The following SGPP2 variants were observed in gnomAD, a reference collection of about 807,000 sequenced individuals.
SGPP2 encodes the protein sphingosine-1-phosphate phosphatase 2, also known as sphingosine 1-phosphate phosphohydrolase 2.
SGPP2 carries 30 observed loss-of-function variants against 33.9 expected under a neutral mutation model. The observed-to-expected ratio is 0.89, with a 90% CI of 0.66 to 1.20. The LOEUF (loss-of-function observed/expected upper bound fraction) is 1.20. Ranked by LOEUF, SGPP2 falls within the 50% of genes most tolerant of loss-of-function variation. SGPP2 has a pLI of 0.00. For missense variants in SGPP2, 458 were observed against 532.1 expected (o/e 0.86, Z 1.37); for synonymous variants, 233 against 225.0 (o/e 1.04, Z -0.32).
At chr2:222,475,384 G>A (rs1456126215) in intron 2 of SGPP2, among the ~76,000 whole-genome samples, 1 of 149,662 alleles carries the variant, frequency 6.7e-6, no homozygotes, top group Non-Finnish European at 1.5e-5. Flanking sequence ...ATCAAAGTAG[G>A]AGAGGGCATA....
In SGPP2 at chr2:222,476,746, ATATG is replaced by A. The variant is rs1171821449; in HGVS notation, c.378+2028_378+2031del. On this transcript the variant is annotated intron_variant, in intron 2 of 4. Coordinates refer to ENST00000321276, the MANE Select transcript of SGPP2 (RefSeq NM_152386.4). The surrounding 1 kb of genome is among the most constrained non-coding windows in gnomAD (Gnocchi z 4.3). ...TATGTGTGTATATAGGTGTGTGTGT[ATATG>A]TATGTATATAGGTGTGTATATATGC... is the stretch of plus-strand genomic sequence containing the variant. Among the ~76,000 whole-genome samples the A allele has an allele frequency of 2.0e-5, 3 of 150,656 alleles. No homozygotes were observed. The highest frequency in any genetic ancestry group is 3.0e-5 in the Non-Finnish European group (2 of 67,708).
At chr2:222,505,971 A>G (rs1465637870) in intron 2 of SGPP2, among the ~76,000 whole-genome samples, 2 of 151,954 alleles carry the variant, frequency 1.3e-5, no homozygotes, top group Non-Finnish European at 2.9e-5. Context: ...AAAATTTACT[A>G]AAACTTATGC....
intron 2 of SGPP2, among the ~76,000 whole-genome samples, chr2:222,501,079 G>T (rs1225550567): frequency 1.3e-5 from 2 of 152,198 alleles, no homozygotes; most frequent in Non-Finnish European, 2.9e-5. Context: ...ACCAAATTCA[G>T]ACAAACAGAA....
At chr2:222,452,830 G>T in intron 1 of SGPP2, 1 of 1,606,544 alleles carries the variant, frequency 6.2e-7, no homozygotes, top group Non-Finnish European at 8.5e-7. Flanking sequence ...CTATTCTGCG[G>T]CCAGTTGTTT....
At chr2:222,487,968 A>G (rs1468190070) in intron 2 of SGPP2, among the ~76,000 whole-genome samples, 1 of 152,174 alleles carries the variant, frequency 6.6e-6, no homozygotes, top group African/African-American at 2.4e-5. Context: ...TCAGATGTTT[A>G]TCATAGAGAA....
At chr2:222,493,254 A>G (rs1049710621) in intron 2 of SGPP2, among the ~76,000 whole-genome samples, 1 of 152,228 alleles carries the variant, frequency 6.6e-6, no homozygotes, top group African/African-American at 2.4e-5. Context: ...ATGGCTGGGA[A>G]GGCCCCAGGA....
At chr2:222,447,519 A>G (rs1006982780) in intron 1 of SGPP2, among the ~76,000 whole-genome samples, 4 of 152,186 alleles carry the variant, frequency 2.6e-5, no homozygotes, top group Non-Finnish European at 5.9e-5. Context: ...AACCCCTGAT[A>G]TCTGGGCCGA....
chr2:222,438,893 C>T (rs889866783), intron 1 of SGPP2, among the ~76,000 whole-genome samples: 2 of 152,180 alleles, frequency 1.3e-5, no homozygotes, highest in African/African-American at 2.4e-5. Flanking sequence ...TGGCCTTTCC[C>T]GCCATAATAG....
At chr2:222,497,872 T>C (rs1172797409) in intron 2 of SGPP2, among the ~76,000 whole-genome samples, 1 of 152,208 alleles carries the variant, frequency 6.6e-6, no homozygotes, top group Non-Finnish European at 1.5e-5. Flanking sequence ...GGGCACTTTG[T>C]ACCAGTTTCC....
rs909362634 is a variant in SGPP2, at chr2:222,467,976, A to C, written c.220-6592A>C. Among the ~76,000 whole-genome samples, 471 of 135,702 alleles carry C rather than the reference A, an allele frequency of 3.5e-3. 1 individual carries two copies. The highest frequency in any genetic ancestry group is 0.015 in the African/African-American group (448 of 29,232). The allele number at this position is 135,702 out of a possible 152,430, so 89.0% of individuals were successfully genotyped here. ...AAAAAAAAAAAAAAAAAAAAAAAAA[A>C]AAAAAAAAAAAACAGAGGAAGTAAT... On this transcript the variant is annotated intron_variant, in intron 1 of 4. Coordinates refer to ENST00000321276, the MANE Select transcript of SGPP2 (RefSeq NM_152386.4).
intron 1 of SGPP2, among the ~76,000 whole-genome samples, 193 bp downstream of exon 1, chr2:222,425,014 A>G (rs981691102): frequency 2.0e-5 from 3 of 152,226 alleles, no homozygotes; most frequent in African/African-American, 7.2e-5. Flanking sequence ...CAACGCTGCC[A>G]GGGGCAACCG....
intron 1 of SGPP2, among the ~76,000 whole-genome samples, chr2:222,470,436 T>G (rs1426971567): frequency 6.6e-6 from 1 of 152,226 alleles, no homozygotes; most frequent in Non-Finnish European, 1.5e-5. Flanking sequence ...CTATATATGC[T>G]GATATTTTAA....
At position 222,521,960 on chromosome 2, in the gene SGPP2, G is replaced by T. The variant is rs1478693203; in HGVS notation, c.558+14G>T. ...GACAGATACCAGGTAAGGTGGCCTG[G>T]TTCTTCTTCCTACCCACCTACTGAG... On this transcript the variant is annotated intron_variant, in intron 3 of 4. Coordinates refer to ENST00000321276, the MANE Select transcript of SGPP2 (RefSeq NM_152386.4). 3 of 1,491,680 alleles carry T rather than the reference G, an allele frequency of 2.0e-6. No individual in the cohort carries two copies. The highest frequency in any genetic ancestry group is 2.9e-5 in the African/African-American group (2 of 69,298). 92.4% of individuals were successfully genotyped at this position (1,491,680 alleles called of 1,614,324 possible).
intron 2 of SGPP2, among the ~76,000 whole-genome samples, chr2:222,518,560 AG>A (rs1329646343): frequency 6.6e-6 from 1 of 152,198 alleles, no homozygotes; most frequent in Non-Finnish European, 1.5e-5. Context: ...GCAGCTTCTG[AG>A]AAATTCCCAG....
intron 1 of SGPP2, chr2:222,452,298 G>A: frequency 1.7e-6 from 1 of 575,354 alleles, no homozygotes; most frequent in Non-Finnish European, 3.2e-6. Flanking sequence ...CAGAACATGT[G>A]GTTTCCAAAA....
At chr2:222,494,246 A>G (rs1237671185) in intron 2 of SGPP2, among the ~76,000 whole-genome samples, 1 of 152,170 alleles carries the variant, frequency 6.6e-6, no homozygotes, top group Non-Finnish European at 1.5e-5. Context: ...TTTTCAAAGG[A>G]TCCCAGCTGC....
intron 1 of SGPP2, among the ~76,000 whole-genome samples, chr2:222,442,564 C>T (rs1433422733): frequency 6.6e-6 from 1 of 152,092 alleles, no homozygotes; most frequent in African/African-American, 2.4e-5. Flanking sequence ...ATCTTCATGT[C>T]TGTGAATATT....
At chr2:222,508,177 C>T (rs1236482977) in intron 2 of SGPP2, among the ~76,000 whole-genome samples, 1 of 152,176 alleles carries the variant, frequency 6.6e-6, no homozygotes, top group South Asian at 2.1e-4. Flanking sequence ...GGACACTCAG[C>T]GTCCTCTATT....
chr2:222,462,410 A>G (rs1210412451), intron 1 of SGPP2, among the ~76,000 whole-genome samples: 1 of 152,148 alleles, frequency 6.6e-6, no homozygotes, highest in African/African-American at 2.4e-5. Context: ...ACTCATGCTC[A>G]CGTCAACACT....
Sources: allele counts gnomAD v4.1 joint callset (sites outside exome capture counted in the v4.1 genomes callset), GRCh38; gene constraint gnomAD v4.1.1; non-coding constraint Gnocchi (gnomAD v3.1); transcripts MANE v1.5; gene names NCBI Gene and HGNC (gene_info 2026-07-23, HGNC 2026-07-21).